The following CUL4A variants were observed in gnomAD, a reference collection of about 807,000 sequenced individuals.
CUL4A encodes cullin-4A.
CUL4A carries 16 observed loss-of-function variants against 95.5 expected under a neutral mutation model. The ratio of observed to expected loss-of-function variants is 0.17; its 90% confidence interval spans 0.11 to 0.25. CUL4A has a LOEUF of 0.25. CUL4A is among the 10% of genes least tolerant of loss of function. The pLI, the probability that CUL4A is intolerant of heterozygous loss-of-function variation, is 1.00. For synonymous variants in CUL4A, 380 were observed against 353.1 expected (o/e 1.08, Z -0.85); for missense variants, 610 against 937.0 (o/e 0.65, Z 4.56).
intron 15 of CUL4A, among the ~76,000 whole-genome samples, chr13:113,250,451 C>G (rs1048052114): frequency 3.3e-5 from 5 of 151,960 alleles, no homozygotes; most frequent in Admixed American, 1.3e-4. Context: ...GATCCGAGAC[C>G]GTGTCTCAAA....
upstream of CUL4A, chr13:113,208,352 C>T (rs1477710673): frequency 4.1e-5 from 59 of 1,433,340 alleles, no homozygotes; most frequent in Non-Finnish European, 5.2e-5. Flanking sequence ...TCTACTTACA[C>T]CGCGACGACT....
intron 18 of CUL4A, among the ~76,000 whole-genome samples, chr13:113,260,122 T>G (rs1186909162): frequency 1.4e-5 from 2 of 142,432 alleles, no homozygotes; most frequent in Non-Finnish European, 3.0e-5. Context: ...GAGAATGGCG[T>G]GAACCCGGGG....
At chr13:113,218,751 C>T (rs1046070745) in intron 2 of CUL4A, among the ~76,000 whole-genome samples, 194 bp from the exon 3 acceptor site, 1 of 152,226 alleles carries the variant, frequency 6.6e-6, no homozygotes, top group South Asian at 2.1e-4. Flanking sequence ...CCAACTATGA[C>T]TGGACTGCAG....
rs754320679 is a variant in CUL4A, at chr13:113,236,910, T to C, written c.916+20T>C. The C allele has an allele frequency of 6.4e-7, 1 of 1,566,714 alleles. No homozygotes were observed. The highest frequency in any genetic ancestry group is 1.1e-5 in the South Asian group (1 of 88,924). On this transcript the variant is annotated intron_variant, in intron 9 of 19. Transcript: ENST00000375440. ...AGAAAGGTAGATTTCCTAACTCTTG[T>C]GCAAATTAAACTGAACAATTATCCT...
At chr13:113,225,422 T>G (rs2041064863) in intron 3 of CUL4A, among the ~76,000 whole-genome samples, 1 of 152,234 alleles carries the variant, frequency 6.6e-6, no homozygotes, top group East Asian at 1.9e-4. Context: ...AACAAAAAAA[T>G]TATTGATTGA....
intron 10 of CUL4A, among the ~76,000 whole-genome samples, chr13:113,242,251 G>A (rs560875861): frequency 5.9e-5 from 9 of 151,434 alleles, no homozygotes; most frequent in Non-Finnish European, 8.8e-5. Context: ...GTGACAAAGC[G>A]AGAGTCCATC....
intron 10 of CUL4A, among the ~76,000 whole-genome samples, 187 bp from the exon 11 acceptor site, chr13:113,242,781 G>T (rs1429809408): frequency 6.6e-6 from 1 of 151,964 alleles, no homozygotes; most frequent in Non-Finnish European, 1.5e-5. Context: ...GTGAGGGCCT[G>T]CCTCAAAAAA....
chr13:113,238,839 G>T (rs1177957675), intron 9 of CUL4A, among the ~76,000 whole-genome samples: 1 of 152,116 alleles, frequency 6.6e-6, no homozygotes, highest in Non-Finnish European at 1.5e-5. Flanking sequence ...CTTTAACCTG[G>T]CTGCCTCTCA....
rs968086651 is a variant in CUL4A, at chr13:113,252,008, C to T, written c.1639-1074C>T. ...CGCAGCACAGACGTGTCGGAGATCC[C>T]GGGTGCAGTGGACACCAGACAGGAT... On this transcript the variant is annotated intron_variant, in intron 15 of 19. Coordinates refer to ENST00000375440, the MANE Select transcript of CUL4A (RefSeq NM_001008895.4). Among the ~76,000 whole-genome samples the T allele has an allele frequency of 3.9e-5, 6 of 152,052 alleles. No individual in the cohort carries two copies. The East Asian group carries it at 9.7e-4, about 25-fold the overall frequency.
chr13:113,255,452 G>A (rs1384765122), intron 18 of CUL4A, among the ~76,000 whole-genome samples: 1 of 152,090 alleles, frequency 6.6e-6, no homozygotes, highest in Non-Finnish European at 1.5e-5. Flanking sequence ...TTCACTCTTG[G>A]TGTTGTACAT....
rs572498675 is a variant in CUL4A at position 113,233,454 on chromosome 13, A to G, written c.675+115A>G. 211 of 1,026,722 alleles carry G rather than the reference A, an allele frequency of 2.1e-4. No homozygotes were observed. In the African/African-American group the frequency reaches 2.9e-3, roughly 14 times the overall value. 63.6% of individuals were successfully genotyped at this position (1,026,722 alleles called of 1,614,324 possible). A position where few individuals can be genotyped will look rare whatever the true frequency, so the allele number is the denominator to read the frequency against. On this transcript the variant is annotated intron_variant, in intron 6 of 19. Coordinates refer to ENST00000375440, the MANE Select transcript of CUL4A (RefSeq NM_001008895.4). Reference sequence around the variant, plus strand: ...AATCATAAAGGCATTTGTTGAAGATAGGAGAGTCTTTAAAATCCCTAGAAG... The same window carrying G: ...AATCATAAAGGCATTTGTTGAAGATGGGAGAGTCTTTAAAATCCCTAGAAG...
At position 113,260,093 on chromosome 13, in the gene CUL4A, A is replaced by G. The variant is rs560090754; in HGVS notation, c.2032-514A>G. Among the ~76,000 whole-genome samples, 313 of 150,278 alleles carry G rather than the reference A, an allele frequency of 2.1e-3. 1 individual carries two copies. Among genetic ancestry groups the G allele is most frequent in the African/African-American group, 7.3e-3 (297 of 40,884 alleles). ...GTGGGGGGGCACCGTAGTCCCAGCTACTTGAGAGGCTGAGACAGGAGAATG... is the reference window on the plus strand; with the variant it reads ...GTGGGGGGGCACCGTAGTCCCAGCTGCTTGAGAGGCTGAGACAGGAGAATG... On this transcript the variant is annotated intron_variant, in intron 18 of 19. Transcript: ENST00000375440.
At chr13:113,231,264 TC>T (rs537440231) in intron 5 of CUL4A, among the ~76,000 whole-genome samples, 5 of 152,178 alleles carry the variant, frequency 3.3e-5, no homozygotes, top group Non-Finnish European at 5.9e-5. Flanking sequence ...AGATACTTTG[TC>T]CATCTCTGGG....
At chr13:113,229,020 C>T (rs940025911) in intron 4 of CUL4A, among the ~76,000 whole-genome samples, 2 of 151,518 alleles carry the variant, frequency 1.3e-5, no homozygotes, top group African/African-American at 4.8e-5. Context: ...CCCAGCTACT[C>T]GGGAGGCTGA....
At chr13:113,261,118 A>G (rs988888118) in intron 19 of CUL4A, among the ~76,000 whole-genome samples, 4 of 152,168 alleles carry the variant, frequency 2.6e-5, no homozygotes. Flanking sequence ...TAACTTACTC[A>G]GCGTTTACAG....
intron 5 of CUL4A, among the ~76,000 whole-genome samples, chr13:113,232,535 C>T (rs1335319088): frequency 6.6e-6 from 1 of 152,182 alleles, no homozygotes; most frequent in Non-Finnish European, 1.5e-5. Context: ...CCACTGGGGA[C>T]AGTAGGAGTG....
rs1345624888 is a variant in CUL4A, at chr13:113,244,621, TTG to T, written c.1333+108_1333+109del. 19 of 780,676 alleles carry T rather than the reference TTG, an allele frequency of 2.4e-5. No homozygotes were observed. The African/African-American group carries it at 3.3e-4, about 14-fold the overall frequency. 48.4% of individuals were successfully genotyped at this position (780,676 alleles called of 1,614,324 possible). On this transcript the variant is annotated intron_variant, in intron 12 of 19. Transcript: ENST00000375440. Reference sequence around the variant, plus strand: ...GAATGTCAGTATCAGTAGAGCCAGTTTGCATTAGAATGAACACTTTTCATCCT... The same window carrying T: ...GAATGTCAGTATCAGTAGAGCCAGTTCATTAGAATGAACACTTTTCATCCT...
At chr13:113,229,863 C>T in intron 5 of CUL4A, 1 of 466,982 alleles carries the variant, frequency 2.1e-6, no homozygotes, top group South Asian at 5.5e-5. Flanking sequence ...AGACTGCCTG[C>T]TGCCCGTGGG....
chr13:113,222,016 G>A (rs983544179), intron 3 of CUL4A, among the ~76,000 whole-genome samples: 4 of 152,236 alleles, frequency 2.6e-5, no homozygotes, highest in Admixed American at 2.0e-4. Context: ...AGTGGCAGGC[G>A]CTGTGGGATG....
Sources: allele counts gnomAD v4.1 joint callset (sites outside exome capture counted in the v4.1 genomes callset), GRCh38; gene constraint gnomAD v4.1.1; transcripts MANE v1.5; gene names NCBI Gene and HGNC (gene_info 2026-07-23, HGNC 2026-07-21).